The following SS18 variants were observed in gnomAD, a reference collection of about 807,000 sequenced individuals.
SS18 encodes the protein protein SSXT.
Under a neutral mutation model 72.5 loss-of-function variants are expected in SS18, and 28 were observed. The observed-to-expected ratio is 0.39, with a 90% CI of 0.29 to 0.53. SS18 has a LOEUF of 0.53. Among genes scored for constraint, SS18 ranks in the 20% least tolerant of loss-of-function variants. The probability of loss-of-function intolerance (pLI) is 0.76; values close to 1 mark genes in which losing one functional copy is unlikely to be tolerated. For missense variants in SS18, 518 were observed against 535.3 expected (o/e 0.97, Z 0.32); for synonymous variants, 172 against 164.2 (o/e 1.05, Z -0.37).
At chr18:26,044,749 T>C (rs956399466) in intron 5 of SS18, among the ~76,000 whole-genome samples, 33 of 152,038 alleles carry the variant, frequency 2.2e-4, no homozygotes, top group African/African-American at 7.7e-4. Context: ...GCTCCTTTCA[T>C]CCTGGATGGG....
At chr18:26,053,091 T>C (rs1007275909) in intron 4 of SS18, among the ~76,000 whole-genome samples, 7 of 152,206 alleles carry the variant, frequency 4.6e-5, no homozygotes, top group African/African-American at 1.7e-4. Context: ...GACTAGCTTC[T>C]TCATAAAAGA....
intron 7 of SS18, 113 bp from the exon 8 acceptor site, chr18:26,036,036 T>C (rs1301173405): frequency 4.0e-6 from 3 of 744,852 alleles, no homozygotes; most frequent in Non-Finnish European, 6.7e-6. Flanking sequence ...AAATGGAACA[T>C]AAAAAATAAT....
intron 3 of SS18, among the ~76,000 whole-genome samples, chr18:26,064,434 C>G (rs919191908): frequency 3.3e-5 from 5 of 152,014 alleles, no homozygotes; most frequent in African/African-American, 1.2e-4. Context: ...TACATTATAA[C>G]CAATGAAATT....
Position 26,018,004 on chromosome 18 carries a change from A to AC in SS18, c.*349_*350insG. On this transcript the variant is annotated 3_prime_UTR_variant, in exon 11 of 11. Coordinates refer to ENST00000415083, the MANE Select transcript of SS18 (RefSeq NM_001007559.3). ...CTTACAAAAAAATCTGTGGAAAAGT[A>AC]TTAAATTCCCTTACCCTTCATAAAC... is the stretch of plus-strand genomic sequence containing the variant. The AC allele has an allele frequency of 2.4e-5, 6 of 248,566 alleles. No homozygotes were observed. The allele number at this position is 248,566 out of a possible 1,614,324, so 15.4% of individuals were successfully genotyped here.
At chr18:26,026,619 T>C (rs2053450854) in intron 10 of SS18, among the ~76,000 whole-genome samples, 1 of 152,036 alleles carries the variant, frequency 6.6e-6, no homozygotes, top group African/African-American at 2.4e-5. Context: ...AACATGGTAT[T>C]GGAGTTTCTA....
chr18:26,051,298 G>A (rs1348492997), intron 5 of SS18, among the ~76,000 whole-genome samples: 1 of 152,094 alleles, frequency 6.6e-6, no homozygotes, highest in African/African-American at 2.4e-5. Flanking sequence ...TACAAAATAC[G>A]ACATTTTTAA....
intron 10 of SS18, among the ~76,000 whole-genome samples, chr18:26,018,839 A>G (rs1180022576): frequency 6.6e-6 from 1 of 152,224 alleles, no homozygotes; most frequent in Non-Finnish European, 1.5e-5. Flanking sequence ...GTGAAAATGG[A>G]AAGGTATGTG....
chr18:26,041,666 T>C (rs1292046265), intron 5 of SS18, among the ~76,000 whole-genome samples: 5 of 152,148 alleles, frequency 3.3e-5, no homozygotes, highest in African/African-American at 1.2e-4. Flanking sequence ...TCTAAAGACC[T>C]CTTGTCTTAA....
At chr18:26,089,217 T>TA (rs556727420) in intron 1 of SS18, among the ~76,000 whole-genome samples, 1,940 of 147,664 alleles carry the variant, frequency 0.013, 16 homozygotes, top group African/African-American at 0.023. Context: ...ACAGAAACTA[T>TA]AAAAAAAAAA....
At chr18:26,023,925 T>C (rs991947268) in intron 10 of SS18, among the ~76,000 whole-genome samples, 1 of 152,126 alleles carries the variant, frequency 6.6e-6, no homozygotes, top group African/African-American at 2.4e-5. Context: ...TTATAACGTA[T>C]ACAGAAGTAA....
chr18:26,017,038 G>A lies in SS18; in HGVS notation c.*1316C>T. 4.5e-6 allele frequency: 1 copy of A among 223,774 alleles called. No homozygotes were observed. Among genetic ancestry groups the A allele is most frequent in the East Asian group, 6.5e-5 (1 of 15,392 alleles). The allele number at this position is 223,774 out of a possible 1,614,324, so 13.9% of individuals were successfully genotyped here. A position where few individuals can be genotyped will look rare whatever the true frequency, so the allele number is the denominator to read the frequency against. ...TTTCAGATTATGCTTAAATAACCGT[G>A]GTTAGAAATTTTTCAATGCATGCTT... On this transcript the variant is annotated 3_prime_UTR_variant, in exon 11 of 11. Coordinates refer to ENST00000415083, the MANE Select transcript of SS18 (RefSeq NM_001007559.3).
At chr18:26,023,596 T>C (rs1598523082) in intron 10 of SS18, 4 of 529,964 alleles carry the variant, frequency 7.5e-6, no homozygotes, top group Non-Finnish European at 1.5e-5. Flanking sequence ...CTTTAAAGTA[T>C]GGAAAGAAAA....
At chr18:26,019,759 T>A (rs747883933) in intron 10 of SS18, among the ~76,000 whole-genome samples, 12 of 119,764 alleles carry the variant, frequency 1.0e-4, no homozygotes, top group Non-Finnish European at 1.8e-4. Flanking sequence ...TGCACTGCAC[T>A]CTAGCTTGAG....
At chr18:26,020,524 C>T (rs2053331312) in intron 10 of SS18, among the ~76,000 whole-genome samples, 1 of 152,140 alleles carries the variant, frequency 6.6e-6, no homozygotes, top group Non-Finnish European at 1.5e-5. Flanking sequence ...AATTTATCTA[C>T]TGTATTATGA....
chr18:26,040,773 A>G (rs111361434), intron 5 of SS18, among the ~76,000 whole-genome samples: 2,323 of 152,086 alleles, frequency 0.015, 64 homozygotes, highest in African/African-American at 0.053. Context: ...CTCCTTTTCA[A>G]TTTTATTCTC....
chr18:26,042,071 G>A (rs1178885261), intron 5 of SS18, among the ~76,000 whole-genome samples: 1 of 151,964 alleles, frequency 6.6e-6, no homozygotes, highest in Non-Finnish European at 1.5e-5. Context: ...TTATGACTAT[G>A]ACTTCAATTC....
At position 26,055,763 on chromosome 18, in the gene SS18, T is replaced by G. The variant is rs796855793; in HGVS notation, c.385+1826A>C. Among the ~76,000 whole-genome samples the G allele has an allele frequency of 4.2e-4, 56 of 132,696 alleles. 1 individual carries two copies. Among genetic ancestry groups the G allele is most frequent in the Middle Eastern group, 3.7e-3 (1 of 272 alleles). The allele number at this position is 132,696 out of a possible 152,430, so 87.1% of individuals were successfully genotyped here. Reference sequence around the variant, plus strand: ...AGAAATTCTTTCTGTTTTTTTTTTTTTTGTTTTTTTTTTTTGATGGAGTCT... The same window carrying G: ...AGAAATTCTTTCTGTTTTTTTTTTTGTTGTTTTTTTTTTTTGATGGAGTCT... On this transcript the variant is annotated intron_variant, in intron 4 of 10. Transcript: ENST00000415083.
chr18:26,089,456 A>G (rs2054675267), intron 1 of SS18, among the ~76,000 whole-genome samples: 1 of 152,280 alleles, frequency 6.6e-6, no homozygotes, highest in Non-Finnish European at 1.5e-5. Flanking sequence ...GACAGTAAAC[A>G]GAAACCGATT....
At position 26,078,346 on chromosome 18, in the gene SS18, A is replaced by G. The variant is rs1387040033; in HGVS notation, c.147-186T>C. ...AAATATTTAAATATAATGAGCTCAGAGATCTTGCCATGTATGCTAAATAGT... is the reference window on the plus strand; with the variant it reads ...AAATATTTAAATATAATGAGCTCAGGGATCTTGCCATGTATGCTAAATAGT... On this transcript the variant is annotated intron_variant, in intron 2 of 10. Transcript: ENST00000415083. 1.6e-5 allele frequency: 8 copies of G among 487,342 alleles called. No individual in the cohort carries two copies. In the Admixed American group the frequency reaches 3.0e-4, roughly 18 times the overall value. The allele number at this position is 487,342 out of a possible 1,614,324, so 30.2% of individuals were successfully genotyped here.
Sources: allele counts gnomAD v4.1 joint callset (sites outside exome capture counted in the v4.1 genomes callset), GRCh38; gene constraint gnomAD v4.1.1; transcripts MANE v1.5; gene names NCBI Gene and HGNC (gene_info 2026-07-23, HGNC 2026-07-21).